RPS6KA2: variants seen among roughly 807,000 people sequenced by gnomAD.
RPS6KA2 encodes the protein ribosomal protein S6 kinase A2, also known as ribosomal protein S6 kinase alpha-2.
Under a neutral mutation model 91.8 loss-of-function variants are expected in RPS6KA2, and 42 were observed. The ratio of observed to expected loss-of-function variants is 0.46; its 90% CI spans 0.36 to 0.59. The LOEUF (loss-of-function observed/expected upper bound fraction) is 0.59. RPS6KA2 is among the 20% of genes least tolerant of loss of function. RPS6KA2 has a pLI of 0.00. For synonymous variants in RPS6KA2, 414 were observed against 393.6 expected (o/e 1.05, Z -0.61); for missense variants, 798 against 978.5 (o/e 0.82, Z 2.46).
rs541089276 is a variant in RPS6KA2, at chr6:166,637,388, C to T, written c.124-98604G>A. 5.2e-4 allele frequency among the ~76,000 whole-genome samples: 79 copies of T among 152,344 alleles called. 1 individual carries two copies. The South Asian group carries it at 0.016, about 30-fold the overall frequency. On this transcript the variant is annotated intron_variant, in intron 2 of 21. Transcript: ENST00000503859. ...AGGCTGGGGAAGAGAGGAGATCAGT[C>T]GAAGCCCATTCTCTCCCCTCCTCTT...
chr6:166,606,564 C>T (rs1024986965), intron 1 of RPS6KA2, among the ~76,000 whole-genome samples: 6 of 152,120 alleles, frequency 3.9e-5, no homozygotes, highest in African/African-American at 7.2e-5. Context: ...CAACCCACTA[C>T]GGGGAAAAGT....
At chr6:166,466,925 C>T (rs545066078) in intron 11 of RPS6KA2, among the ~76,000 whole-genome samples, 14 of 152,144 alleles carry the variant, frequency 9.2e-5, no homozygotes, top group Non-Finnish European at 1.5e-5. Context: ...TTCACTCACT[C>T]CCTCACTTGT....
chr6:166,505,715 C>T (rs1243615592), intron 5 of RPS6KA2, among the ~76,000 whole-genome samples: 3 of 152,346 alleles, frequency 2.0e-5, no homozygotes, highest in Non-Finnish European at 4.4e-5. Context: ...GGCTCTGCAT[C>T]CTGACAGTGA....
In RPS6KA2 at chr6:166,448,451, C is replaced by A. The variant is rs1369410133; in HGVS notation, c.1332+273G>T. On this transcript the variant is annotated intron_variant, in intron 14 of 20. Transcript: ENST00000265678. The surrounding 1 kb of genome is among the most constrained non-coding windows in gnomAD (Gnocchi z 4.7). Reference sequence around the variant, plus strand: ...ATGGGTGACCTCATATCAAAGCAAACTGAACTCCATCATATCAGAGCTTGG... The same window carrying A: ...ATGGGTGACCTCATATCAAAGCAAAATGAACTCCATCATATCAGAGCTTGG... Among the ~76,000 whole-genome samples the A allele has an allele frequency of 6.6e-6, 1 of 152,204 alleles. No individual in the cohort carries two copies. The highest frequency in any genetic ancestry group is 2.4e-5 in the African/African-American group (1 of 41,450).
chr6:166,752,773 C>T (rs1053318184), intron 2 of RPS6KA2, among the ~76,000 whole-genome samples: 1 of 152,200 alleles, frequency 6.6e-6, no homozygotes, highest in Non-Finnish European at 1.5e-5. Flanking sequence ...GCCTCTCCCC[C>T]TGACTCTCCC....
At chr6:166,539,834 T>C (rs1783598683) in intron 1 of RPS6KA2, among the ~76,000 whole-genome samples, 1 of 152,262 alleles carries the variant, frequency 6.6e-6, no homozygotes, top group African/African-American at 2.4e-5. Context: ...CAACTGTTCC[T>C]TGAATTTATC....
intron 2 of RPS6KA2, among the ~76,000 whole-genome samples, chr6:166,710,613 G>A (rs1789818171): frequency 1.3e-5 from 2 of 152,044 alleles, no homozygotes; most frequent in Non-Finnish European, 1.5e-5. Context: ...TCCTGGAGGT[G>A]CATGTGTTAT....
At chr6:166,811,226 T>C (rs1779632887) in intron 2 of RPS6KA2, among the ~76,000 whole-genome samples, 1 of 152,250 alleles carries the variant, frequency 6.6e-6, no homozygotes, top group South Asian at 2.1e-4. Flanking sequence ...CCACTCGCTC[T>C]AGAGCCCCTC....
chr6:166,606,154 A>G (rs1258290284), intron 1 of RPS6KA2, among the ~76,000 whole-genome samples: 2 of 152,254 alleles, frequency 1.3e-5, no homozygotes, highest in Non-Finnish European at 2.9e-5. Context: ...TTATGAAAAT[A>G]AAATGGTGCA....
At chr6:166,602,728 CGTA>C (rs1357216985) in intron 1 of RPS6KA2, among the ~76,000 whole-genome samples, 1 of 152,118 alleles carries the variant, frequency 6.6e-6, no homozygotes, top group African/African-American at 2.4e-5. Context: ...CCAGGGAAAT[CGTA>C]GCCTCCAGGT....
At position 166,713,600 on chromosome 6, in the gene RPS6KA2, T is replaced by C. The variant is rs552364141; in HGVS notation, c.123+144600A>G. On this transcript the variant is annotated intron_variant, in intron 2 of 21. Coordinates refer to the RPS6KA2 transcript ENST00000503859. ...GGAGAGAAAATAAAGAATAGAAATATCCATGACTGGCTGAAAACACATGAA... is the reference window on the plus strand; with the variant it reads ...GGAGAGAAAATAAAGAATAGAAATACCCATGACTGGCTGAAAACACATGAA... 1.8e-4 allele frequency among the ~76,000 whole-genome samples: 28 copies of C among 152,246 alleles called. No individual in the cohort carries two copies. In the South Asian group the frequency reaches 5.6e-3, roughly 30 times the overall value.
At chr6:166,722,700 C>T (rs1380383996) in intron 2 of RPS6KA2, among the ~76,000 whole-genome samples, 2 of 152,236 alleles carry the variant, frequency 1.3e-5, no homozygotes, top group East Asian at 3.8e-4. Flanking sequence ...TTGAATTCTC[C>T]AATCCCATTC....
intron 2 of RPS6KA2, among the ~76,000 whole-genome samples, chr6:166,668,526 G>C (rs549340093): frequency 3.3e-5 from 5 of 152,280 alleles, no homozygotes; most frequent in East Asian, 3.9e-4. Flanking sequence ...GCTGAGTAAG[G>C]CTGGAAGGCT....
At chr6:166,830,533 T>A (rs1099659) in intron 2 of RPS6KA2, among the ~76,000 whole-genome samples, 104,214 of 151,940 alleles carry the variant, frequency 0.69, 35,881 homozygotes, top group Middle Eastern at 0.76. Context: ...AATTTCTTTT[T>A]AAAAAAAGCT....
chr6:166,764,197 G>C (rs1778245347), intron 2 of RPS6KA2, among the ~76,000 whole-genome samples: 1 of 152,160 alleles, frequency 6.6e-6, no homozygotes, highest in Non-Finnish European at 1.5e-5. Context: ...CTGAGCCCCA[G>C]CTCAGAGCTG....
At chr6:166,748,592 T>TTCCTCAGGCCCCCACC (rs1791116353) in intron 2 of RPS6KA2, among the ~76,000 whole-genome samples, 2 of 21,602 alleles carry the variant, frequency 9.3e-5, no homozygotes, top group Non-Finnish European at 1.8e-4. Context: ...GGGCCCCCAT[T>TTCCTCAGGCCCCCACC]TCCTCAGGCC....
At chr6:166,474,318 AAACCTCTGCCCGTGCGTC>A (rs1412380266) in intron 10 of RPS6KA2, among the ~76,000 whole-genome samples, 1 of 152,242 alleles carries the variant, frequency 6.6e-6, no homozygotes, top group Non-Finnish European at 1.5e-5. Flanking sequence ...GAGCAACGGA[AAACCTCTGCCCGTGCGTC>A]AGCCACAGGC....
intron 2 of RPS6KA2, among the ~76,000 whole-genome samples, chr6:166,672,879 G>A (rs929256005): frequency 2.6e-5 from 4 of 152,188 alleles, no homozygotes; most frequent in African/African-American, 4.8e-5. Flanking sequence ...GGCAGTTGCC[G>A]TAAGCCTTAA....
chr6:166,861,523 C>A (rs1583187787), intron 1 of RPS6KA2, among the ~76,000 whole-genome samples: 1 of 152,242 alleles, frequency 6.6e-6, no homozygotes, highest in African/African-American at 2.4e-5. Flanking sequence ...GATTCCTGCA[C>A]ACCCACCAGC....
Sources: allele counts gnomAD v4.1 joint callset (sites outside exome capture counted in the v4.1 genomes callset), GRCh38; gene constraint gnomAD v4.1.1; non-coding constraint Gnocchi (gnomAD v3.1); transcripts MANE v1.5; gene names NCBI Gene and HGNC (gene_info 2026-07-23, HGNC 2026-07-21).